Variants in YEATS2 observed in about 807,000 individuals in gnomAD.
YEATS2 encodes YEATS domain-containing protein 2.
YEATS2 carries 77 observed loss-of-function variants against 163.2 expected under a neutral mutation model. The ratio of observed to expected loss-of-function variants is 0.47; its 90% CI spans 0.39 to 0.57. The LOEUF (loss-of-function observed/expected upper bound fraction) is 0.57. Ranked by LOEUF, YEATS2 falls within the 20% of genes least tolerant of loss-of-function variation. The pLI is 0.00. For synonymous variants in YEATS2, 631 were observed against 645.1 expected (o/e 0.98, Z 0.33); for missense variants, 1,549 against 1,729.8 (o/e 0.90, Z 1.85).
chr3:183,765,087 A>G (rs945210687), intron 15 of YEATS2, among the ~76,000 whole-genome samples: 2 of 152,198 alleles, frequency 1.3e-5, no homozygotes, highest in African/African-American at 2.4e-5. Context: ...AATGACTAAG[A>G]CAGGCATCCC....
intron 15 of YEATS2, among the ~76,000 whole-genome samples, chr3:183,768,013 G>A (rs369223293): frequency 6.6e-6 from 1 of 152,238 alleles, no homozygotes; most frequent in South Asian, 2.1e-4. Flanking sequence ...AGTAGATTCT[G>A]TGTAATTTAA....
intron 11 of YEATS2, among the ~76,000 whole-genome samples, chr3:183,756,317 A>G (rs1194176780): frequency 6.6e-6 from 1 of 152,138 alleles, no homozygotes; most frequent in Non-Finnish European, 1.5e-5. Context: ...CTGTTGATCC[A>G]TGGATAAGGA....
chr3:183,748,619 T>C (rs71318336), intron 9 of YEATS2, among the ~76,000 whole-genome samples: 1 of 151,888 alleles, frequency 6.6e-6, no homozygotes, highest in East Asian at 1.9e-4. Flanking sequence ...CTTTTTTTAA[T>C]TGAGACAGGG....
In YEATS2 at chr3:183,772,481, C is replaced by G. The variant is rs772020124; in HGVS notation, c.2124C>G (p.Thr708=). The G allele has an allele frequency of 6.2e-7, 1 of 1,614,092 alleles. No individual in the cohort carries two copies. The highest frequency in any genetic ancestry group is 8.5e-7 in the Non-Finnish European group (1 of 1,179,994). The stretch of plus-strand genomic sequence containing the variant: ...CAATTGTGAGTGGAGGTGGAGGAAC[C>G]ATTGTTGCTCAGCCAGTGCAGACCT... ...AKAIVSGGGG[T]IVAQPVQTLT... The change falls in exon 16 of 31, where the codon ACC becomes ACG. Residue 708 remains threonine (T), a synonymous_variant. Coordinates refer to ENST00000305135, the MANE Select transcript of YEATS2 (RefSeq NM_018023.5).
intron 19 of YEATS2, among the ~76,000 whole-genome samples, chr3:183,782,839 T>TAA (rs1723708498): frequency 6.8e-6 from 1 of 147,970 alleles, no homozygotes; most frequent in South Asian, 2.2e-4. Context: ...TAAATATTCT[T>TAA]ACACAGATAT....
intron 1 of YEATS2, among the ~76,000 whole-genome samples, chr3:183,713,499 G>A (rs1715484869): frequency 6.6e-6 from 1 of 152,140 alleles, no homozygotes; most frequent in Non-Finnish European, 1.5e-5. Flanking sequence ...GGAGGCGGAG[G>A]CTGCAGTGAG....
At chr3:183,741,106 T>C (rs1397884724) in intron 8 of YEATS2, among the ~76,000 whole-genome samples, 1 of 151,768 alleles carries the variant, frequency 6.6e-6, no homozygotes, top group Admixed American at 6.6e-5. Flanking sequence ...GCGCGGATAA[T>C]TTTTGTATTT....
Position 183,809,305 on chromosome 3 carries a change from G to A in YEATS2, c.4160+135G>A. 1.0e-5 allele frequency: 9 copies of A among 863,196 alleles called. No individual in the cohort carries two copies. The South Asian group carries it at 1.4e-4, about 13-fold the overall frequency. The allele number at this position is 863,196 out of a possible 1,614,324, so 53.5% of individuals were successfully genotyped here. A position where few individuals can be genotyped will look rare whatever the true frequency, so the allele number is the denominator to read the frequency against. On this transcript the variant is annotated intron_variant, in intron 30 of 30. Coordinates refer to ENST00000305135, the MANE Select transcript of YEATS2 (RefSeq NM_018023.5). ...AGTGCTTAGGACACTCTTAGAGCCA[G>A]ATGAGCTCAAGGGTCTGCTTTGTCA...
chr3:183,721,843 T>G, intron 4 of YEATS2, 48 bp from the exon 5 acceptor site: 1 of 1,600,612 alleles, frequency 6.2e-7, no homozygotes, highest in South Asian at 1.1e-5. Flanking sequence ...TTGCCTGCTT[T>G]TGATGGATTT....
At chr3:183,700,815 C>CTGTATGA (rs1413689746) in intron 1 of YEATS2, among the ~76,000 whole-genome samples, 1 of 148,372 alleles carries the variant, frequency 6.7e-6, no homozygotes, top group Non-Finnish European at 1.5e-5. Flanking sequence ...AAGCCACGTG[C>CTGTATGA]TGTATGATTC....
At chr3:183,729,297 G>A (rs1717463737) in intron 7 of YEATS2, among the ~76,000 whole-genome samples, 1 of 151,550 alleles carries the variant, frequency 6.6e-6, no homozygotes, top group Admixed American at 6.6e-5. Context: ...GGTAGTTGTA[G>A]TTCACTCTCT....
chr3:183,724,618 A>C lies in YEATS2; in HGVS notation c.650+87A>C, dbSNP rs1442085631. 4 of 882,450 alleles carry C rather than the reference A, an allele frequency of 4.5e-6. No homozygotes were observed. In the African/African-American group the frequency reaches 7.0e-5, roughly 15 times the overall value. The allele number at this position is 882,450 out of a possible 1,614,324, so 54.7% of individuals were successfully genotyped here. On this transcript the variant is annotated intron_variant, in intron 6 of 30. Coordinates refer to ENST00000305135, the MANE Select transcript of YEATS2 (RefSeq NM_018023.5). ...CTCTTACAGTGTTACAGTAGGAAGC[A>C]GCCTCAGGGATTCTTTTTCCCAAGC...
rs950964712 is a variant in YEATS2 at position 183,808,943 on chromosome 3, G to T, written c.4087-154G>T. On this transcript the variant is annotated intron_variant, in intron 29 of 30. Coordinates refer to ENST00000305135, the MANE Select transcript of YEATS2 (RefSeq NM_018023.5). ...CAGAATCATGGCCTTTATCATTATG[G>T]TCTATTATTGAGGCCTTTAATTTTT... 3.1e-5 allele frequency: 19 copies of T among 621,588 alleles called. No individual in the cohort carries two copies. The Middle Eastern group carries it at 1.2e-3, about 39-fold the overall frequency. 38.5% of individuals were successfully genotyped at this position (621,588 alleles called of 1,614,324 possible). A position where few individuals can be genotyped will look rare whatever the true frequency, so the allele number is the denominator to read the frequency against.
intron 17 of YEATS2, 34 bp from the exon 18 acceptor site, chr3:183,775,881 T>G: frequency 1.2e-6 from 2 of 1,610,698 alleles, no homozygotes; most frequent in Non-Finnish European, 1.7e-6. Flanking sequence ...CTTGATACTT[T>G]TTATGATGTT....
At position 183,754,292 on chromosome 3, in the gene YEATS2, A is replaced by G. The variant is rs1191732263; in HGVS notation, c.1317A>G (p.Gln439=). 1.2e-6 allele frequency: 2 copies of G among 1,614,046 alleles called. No individual in the cohort carries two copies. Among genetic ancestry groups the G allele is most frequent in the African/African-American group, 2.7e-5 (2 of 74,922 alleles). Residue 439 remains glutamine, a synonymous_variant, in exon 11 of 31, where the codon CAA becomes CAG. Coordinates refer to ENST00000305135, the MANE Select transcript of YEATS2 (RefSeq NM_018023.5). ...CATCAAGCTGCAAAATTGTTCCACA[A>G]AGTCAGGTTCCTAATCCTGAGTCAC... ...PIASSCKIVP[Q]SQVPNPESPG...
At chr3:183,726,685 C>T (rs1276541126) in intron 6 of YEATS2, among the ~76,000 whole-genome samples, 1 of 152,174 alleles carries the variant, frequency 6.6e-6, no homozygotes, top group Non-Finnish European at 1.5e-5. Context: ...CATATTCCCT[C>T]TATGCTATCT....
intron 15 of YEATS2, among the ~76,000 whole-genome samples, chr3:183,767,385 A>G (rs979554287): frequency 8.3e-6 from 1 of 120,576 alleles, no homozygotes; most frequent in Non-Finnish European, 1.9e-5. Context: ...ACGCCCAGCT[A>G]ATTTTTTTTT....
intron 13 of YEATS2, among the ~76,000 whole-genome samples, chr3:183,761,130 C>A (rs760203762): frequency 4.4e-4 from 67 of 151,964 alleles, no homozygotes; most frequent in Admixed American, 7.2e-4. Flanking sequence ...TCTTGTCACC[C>A]AGGCTGGAGT....
At chr3:183,726,724 C>T (rs1717139955) in intron 6 of YEATS2, among the ~76,000 whole-genome samples, 1 of 152,114 alleles carries the variant, frequency 6.6e-6, no homozygotes, top group African/African-American at 2.4e-5. Flanking sequence ...ATTATGTGGC[C>T]ATTTTCTATT....
Sources: gnomAD v4.1 joint callset for allele counts (sites outside exome capture counted in the v4.1 genomes callset) on GRCh38, gnomAD v4.1.1 for gene constraint, MANE v1.5 for transcripts, NCBI Gene and HGNC (gene_info 2026-07-23, HGNC 2026-07-21) for gene names.